WWOX: variants seen among roughly 807,000 people sequenced by gnomAD.
WWOX encodes the protein WW domain containing oxidoreductase, also known as WW domain-containing oxidoreductase.
In WWOX, 69 loss-of-function variants were observed where a neutral mutation model predicts 46.2. That is an observed-to-expected ratio of 1.49 (90% CI 1.23 to 1.82). The LOEUF (loss-of-function observed/expected upper bound fraction) is 1.82, where lower values mean the gene tolerates loss of function less well. WWOX is among the 40% of genes most tolerant of loss of function. WWOX has a pLI of 0.00. For missense variants in WWOX, 919 were observed against 542.6 expected (o/e 1.69, Z -6.89); for synonymous variants, 359 against 202.6 (o/e 1.77, Z -6.56).
At chr16:79,128,271 C>T (rs752038459) in intron 8 of WWOX, among the ~76,000 whole-genome samples, 3 of 152,004 alleles carry the variant, frequency 2.0e-5, no homozygotes, top group Non-Finnish European at 2.9e-5. Context: ...TTTCCTATCA[C>T]TTCCAATCCA....
intron 5 of WWOX, among the ~76,000 whole-genome samples, chr16:78,343,243 C>T (rs1173026149): frequency 1.7e-5 from 2 of 120,218 alleles, no homozygotes; most frequent in East Asian, 3.9e-4. Context: ...TGTGTGTGCC[C>T]TCTGCTGTTG....
chr16:78,250,502 G>T (rs2037955640), intron 5 of WWOX, among the ~76,000 whole-genome samples: 1 of 152,018 alleles, frequency 6.6e-6, no homozygotes, highest in Non-Finnish European at 1.5e-5. Flanking sequence ...TATTGGTATT[G>T]TAAGGACTGC....
chr16:78,823,023 T>G (rs2051546953), intron 8 of WWOX, among the ~76,000 whole-genome samples: 1 of 152,252 alleles, frequency 6.6e-6, no homozygotes, highest in Non-Finnish European at 1.5e-5. Flanking sequence ...TGGATTCATA[T>G]TCAACTTGGA....
chr16:78,805,647 A>G (rs2051015255), intron 8 of WWOX, among the ~76,000 whole-genome samples: 1 of 152,148 alleles, frequency 6.6e-6, no homozygotes, highest in South Asian at 2.1e-4. Flanking sequence ...TTGGATTTTT[A>G]GATTAATCAC....
intron 8 of WWOX, among the ~76,000 whole-genome samples, chr16:78,751,461 T>TTATATATATATATATATATATATA (rs71140824): frequency 5.5e-5 from 7 of 128,422 alleles, no homozygotes; most frequent in Non-Finnish European, 8.1e-5. Flanking sequence ...TTATCAGATT[T>TTATATATATATATATATATATATA]TATATATATA....
intron 6 of WWOX, among the ~76,000 whole-genome samples, chr16:78,399,145 C>T (rs1369412734): frequency 1.3e-5 from 2 of 151,994 alleles, no homozygotes. Context: ...GGGTGGCTGG[C>T]TGGCTAGATG....
chr16:78,727,581 C>G (rs747408708), intron 8 of WWOX, among the ~76,000 whole-genome samples: 1 of 152,164 alleles, frequency 6.6e-6, no homozygotes, highest in Non-Finnish European at 1.5e-5. Flanking sequence ...CGTGGGGGCC[C>G]TGGTGCTACT....
At chr16:78,268,104 C>T (rs985515468) in intron 5 of WWOX, among the ~76,000 whole-genome samples, 7 of 152,232 alleles carry the variant, frequency 4.6e-5, no homozygotes, top group African/African-American at 1.7e-4. Context: ...CAGGCGTGAG[C>T]CGCCGTGTCT....
chr16:78,365,853 A>G (rs192109140), intron 5 of WWOX, among the ~76,000 whole-genome samples: 68 of 152,242 alleles, frequency 4.5e-4, no homozygotes, highest in African/African-American at 1.6e-3. Context: ...TAAAGAGGAA[A>G]GTGTATAGTT....
intron 8 of WWOX, among the ~76,000 whole-genome samples, chr16:78,966,143 T>A (rs1164371082): frequency 1.3e-5 from 2 of 152,210 alleles, no homozygotes; most frequent in East Asian, 3.8e-4. Flanking sequence ...TTATCCAACT[T>A]AGATATTAAA....
intron 5 of WWOX, among the ~76,000 whole-genome samples, chr16:78,215,992 A>T (rs1166071792): frequency 5.3e-5 from 8 of 152,050 alleles, no homozygotes; most frequent in Non-Finnish European, 1.2e-4. Context: ...TTCCCATTTC[A>T]CAGATGAGCC....
chr16:78,996,468 A>C, intron 8 of WWOX: 2 of 323,288 alleles, frequency 6.2e-6, no homozygotes, highest in Non-Finnish European at 8.8e-6. Flanking sequence ...ACTGGGCCGG[A>C]CCCATGGGTA....
chr16:78,707,441 C>T (rs2048349063), intron 8 of WWOX, among the ~76,000 whole-genome samples: 1 of 152,200 alleles, frequency 6.6e-6, no homozygotes, highest in Non-Finnish European at 1.5e-5. Flanking sequence ...AGGTTCTGGA[C>T]ATCTTCTTGG....
intron 5 of WWOX, among the ~76,000 whole-genome samples, chr16:78,310,985 C>G (rs1032524517): frequency 7.9e-5 from 12 of 152,206 alleles, no homozygotes; most frequent in Admixed American, 1.3e-4. Context: ...CAAGAGCCAG[C>G]TGCCTGCGTG....
chr16:79,202,512 CTGT>C (rs999594076), intron 8 of WWOX: 5 of 152,262 alleles, frequency 3.3e-5, no homozygotes, highest in African/African-American at 1.2e-4. Context: ...AGTCCTTCCA[CTGT>C]TGTTCCCGGG....
chr16:78,370,236 A>G (rs1346415957), intron 5 of WWOX, among the ~76,000 whole-genome samples: 1 of 151,536 alleles, frequency 6.6e-6, no homozygotes, highest in Non-Finnish European at 1.5e-5. Flanking sequence ...AATCTGGGGC[A>G]AGTTAGCTAA....
At chr16:78,964,388 C>G (rs1198861419) in intron 8 of WWOX, among the ~76,000 whole-genome samples, 7 of 152,086 alleles carry the variant, frequency 4.6e-5, no homozygotes, top group South Asian at 2.1e-4. Flanking sequence ...ACAGGTGACT[C>G]TTGTTATGTT....
At chr16:78,280,246 A>G (rs1488786574) in intron 5 of WWOX, among the ~76,000 whole-genome samples, 2 of 152,216 alleles carry the variant, frequency 1.3e-5, no homozygotes, top group Non-Finnish European at 2.9e-5. Context: ...CTAGAATTGC[A>G]TGTCCATTGG....
At chr16:78,920,441 G>T (rs981183472) in intron 8 of WWOX, among the ~76,000 whole-genome samples, 1 of 152,142 alleles carries the variant, frequency 6.6e-6, no homozygotes, top group African/African-American at 2.4e-5. Flanking sequence ...AGCCACCTAT[G>T]GTTCTTTGGA....
Sources: gnomAD v4.1 joint callset for allele counts (sites outside exome capture counted in the v4.1 genomes callset) on GRCh38, gnomAD v4.1.1 for gene constraint, MANE v1.5 for transcripts, NCBI Gene and HGNC (gene_info 2026-07-23, HGNC 2026-07-21) for gene names.